Variants in MOK observed in about 807,000 individuals in gnomAD.
The protein encoded by MOK is MOK protein kinase.
A neutral mutation model predicts 54.2 loss-of-function variants in MOK; 59 were observed. The ratio of observed to expected loss-of-function variants is 1.09; its 90% CI spans 0.88 to 1.35. The LOEUF is 1.35. Ranked by LOEUF, MOK falls within the 40% of genes most tolerant of loss-of-function variation. MOK has a pLI of 0.00. For missense variants in MOK, 517 were observed against 526.2 expected, an observed-to-expected ratio of 0.98 and a Z score of 0.17; for synonymous variants, 210 against 202.7, an observed-to-expected ratio of 1.04 and a Z score of -0.31.
intron 4 of MOK, 46 bp downstream of exon 4, chr14:102,263,500 G>T: frequency 7.4e-7 from 1 of 1,346,432 alleles, no homozygotes; most frequent in Non-Finnish European, 1.0e-6. Flanking sequence ...TGAATTACAA[G>T]CCTTAAAAGA....
At chr14:102,288,730 ACT>A (rs1226265237) in intron 1 of MOK, among the ~76,000 whole-genome samples, 2 of 152,122 alleles carry the variant, frequency 1.3e-5, no homozygotes, top group Non-Finnish European at 2.9e-5. Context: ...AAAACAGACA[ACT>A]CTGTGGTGTT....
At chr14:102,256,722 G>GT (rs1383779508) in intron 4 of MOK, among the ~76,000 whole-genome samples, 1 of 123,294 alleles carries the variant, frequency 8.1e-6, no homozygotes, top group Admixed American at 7.5e-5. Flanking sequence ...ACTTGAAACA[G>GT]TTAAAAAAAA....
intron 4 of MOK, among the ~76,000 whole-genome samples, chr14:102,256,555 G>C (rs376242551): frequency 1.3e-5 from 2 of 151,904 alleles, no homozygotes; most frequent in African/African-American, 4.8e-5. Context: ...CTGGGCAACA[G>C]AGCGAGACTC....
At chr14:102,283,428 G>T in intron 2 of MOK, 50 bp downstream of exon 2, 2 of 1,209,524 alleles carry the variant, frequency 1.7e-6, no homozygotes, top group South Asian at 1.4e-5. Context: ...TGCCGTTATT[G>T]ACTGAAACTT....
At chr14:102,297,924 C>G (rs1009945470) in intron 1 of MOK, among the ~76,000 whole-genome samples, 1 of 152,210 alleles carries the variant, frequency 6.6e-6, no homozygotes, top group Non-Finnish European at 1.5e-5. Context: ...CTGCTACCCA[C>G]GAGGCAGGGC....
chr14:102,262,232 G>A (rs1439082158), intron 4 of MOK, among the ~76,000 whole-genome samples: 2 of 151,652 alleles, frequency 1.3e-5, no homozygotes, highest in African/African-American at 4.8e-5. Context: ...TGCAACCCCC[G>A]CCTCCTAGGT....
chr14:102,270,954 G>A (rs1295924020), intron 2 of MOK, among the ~76,000 whole-genome samples: 1 of 152,162 alleles, frequency 6.6e-6, no homozygotes, highest in African/African-American at 2.4e-5. Context: ...CACTTTGGGA[G>A]GCCGAGACGG....
the MOK span, among the ~76,000 whole-genome samples, chr14:102,218,681 G>T: frequency 6.6e-6 from 1 of 151,844 alleles, no homozygotes; most frequent in Non-Finnish European, 1.5e-5. Flanking sequence ...AGTCTCTAGC[G>T]GGAATAAAAC....
At chr14:102,295,964 G>A (rs1204325430) in intron 1 of MOK, among the ~76,000 whole-genome samples, 3 of 152,100 alleles carry the variant, frequency 2.0e-5, no homozygotes, top group Admixed American at 6.6e-5. Flanking sequence ...AGCAACACCT[G>A]GCTAGGCATA....
chr14:102,264,210 CA>C (rs66463478), intron 3 of MOK: 1,877 of 88,720 alleles, frequency 0.021, 31 homozygotes, highest in African/African-American at 0.051. Context: ...GACCCTGTCT[CA>C]AAAAAAAAAA....
chr14:102,229,973 C>T (rs1044115778), intron 10 of MOK: 5 of 337,914 alleles, frequency 1.5e-5, no homozygotes, highest in African/African-American at 8.4e-5. Context: ...GTCTCACACC[C>T]TGATCTGCCT....
At chr14:102,218,935 C>CG in the MOK span, among the ~76,000 whole-genome samples, 2 of 152,244 alleles carry the variant, frequency 1.3e-5, no homozygotes, top group African/African-American at 4.8e-5. Flanking sequence ...GGTCCTCCGT[C>CG]GGCCGGGCCG....
chr14:102,287,388 G>T (rs1160217279), intron 1 of MOK, among the ~76,000 whole-genome samples: 1 of 152,164 alleles, frequency 6.6e-6, no homozygotes, highest in Non-Finnish European at 1.5e-5. Flanking sequence ...CAGATCACGA[G>T]GTCAGGAGTT....
intron 1 of MOK, among the ~76,000 whole-genome samples, chr14:102,286,445 G>A (rs891432229): frequency 9.3e-5 from 14 of 151,294 alleles, no homozygotes; most frequent in Non-Finnish European, 1.6e-4. Flanking sequence ...CATAGACCCC[G>A]TCTCTACAAA....
intron 4 of MOK, among the ~76,000 whole-genome samples, chr14:102,257,103 A>G (rs1053957266): frequency 3.3e-5 from 5 of 150,660 alleles, no homozygotes; most frequent in African/African-American, 1.2e-4. Flanking sequence ...ACCCCCATCT[A>G]GCATGCCAGG....
At chr14:102,248,176 A>G (rs1199988513) in intron 7 of MOK, among the ~76,000 whole-genome samples, 1 of 152,156 alleles carries the variant, frequency 6.6e-6, no homozygotes, top group African/African-American at 2.4e-5. Context: ...AACTGCCCCA[A>G]AAAAGCTTCT....
At chr14:102,219,283 G>A in the MOK span, among the ~76,000 whole-genome samples, 249 of 152,306 alleles carry the variant, frequency 1.6e-3, no homozygotes, top group African/African-American at 5.7e-3. Context: ...TGTTCACCAC[G>A]GCAAAGTGAG....
chr14:102,258,910 C>G (rs1208658357), intron 4 of MOK, among the ~76,000 whole-genome samples: 1 of 151,870 alleles, frequency 6.6e-6, no homozygotes, highest in Non-Finnish European at 1.5e-5. Context: ...ACTAAAAGGA[C>G]AAAAAATTAG....
intron 1 of MOK, among the ~76,000 whole-genome samples, chr14:102,287,388 G>C (rs1160217279): frequency 2.0e-5 from 3 of 152,164 alleles, no homozygotes; most frequent in Admixed American, 2.0e-4. Flanking sequence ...CAGATCACGA[G>C]GTCAGGAGTT....
Sources: gnomAD v4.1 joint callset for allele counts (sites outside exome capture counted in the v4.1 genomes callset) on GRCh38, gnomAD v4.1.1 for gene constraint, MANE v1.5 for transcripts, NCBI Gene and HGNC (gene_info 2026-07-23, HGNC 2026-07-21) for gene names.